Variants in TMEM245 observed in about 807,000 individuals in gnomAD.
The protein encoded by TMEM245 is transmembrane protein 245.
A neutral mutation model predicts 101.2 loss-of-function variants in TMEM245; 69 were observed. That is an observed-to-expected ratio of 0.68 (90% confidence interval 0.56 to 0.83). The LOEUF (loss-of-function observed/expected upper bound fraction) is 0.83, where lower values mean the gene tolerates loss of function less well. Among genes scored for constraint, TMEM245 ranks in the 40% least tolerant of loss-of-function variants. The probability of loss-of-function intolerance (pLI) is 0.00; values close to 1 mark genes in which losing one functional copy is unlikely to be tolerated. For synonymous variants in TMEM245, 537 were observed against 449.8 expected (o/e 1.19, Z -2.45); for missense variants, 1,075 against 1,092.8 (o/e 0.98, Z 0.23).
At chr9:109,049,923 G>A (rs1352815607) in intron 14 of TMEM245, among the ~76,000 whole-genome samples, 1 of 152,142 alleles carries the variant, frequency 6.6e-6, no homozygotes, top group Non-Finnish European at 1.5e-5. Context: ...CCAAGTAGCT[G>A]GGGTTACAGG....
At chr9:109,046,293 A>C (rs770616618) in intron 14 of TMEM245, 3 of 534,400 alleles carry the variant, frequency 5.6e-6, no homozygotes, top group South Asian at 4.2e-5. Context: ...AATGTGCAAT[A>C]TCTCCACCAG....
At chr9:109,025,292 G>A (rs144609089) in intron 17 of TMEM245, among the ~76,000 whole-genome samples, 34 of 152,256 alleles carry the variant, frequency 2.2e-4, no homozygotes, top group African/African-American at 7.9e-4. Context: ...GGCTGGCCTC[G>A]AATTCCTGGA....
intron 12 of TMEM245, among the ~76,000 whole-genome samples, chr9:109,054,300 A>T (rs1828773159): frequency 6.6e-6 from 1 of 152,178 alleles, no homozygotes; most frequent in Non-Finnish European, 1.5e-5. Context: ...GCCACAGTCA[A>T]ACTACTGCAC....
chr9:109,070,951 G>A (rs923283880), intron 9 of TMEM245, among the ~76,000 whole-genome samples: 32 of 152,074 alleles, frequency 2.1e-4, no homozygotes, highest in African/African-American at 7.2e-4. Flanking sequence ...GTGCAATCTT[G>A]GCTCACTGCA....
intron 3 of TMEM245, among the ~76,000 whole-genome samples, chr9:109,099,357 A>G (rs966891600): frequency 1.1e-4 from 16 of 152,204 alleles, no homozygotes; most frequent in Admixed American, 1.0e-3. Flanking sequence ...TTGTTCACTC[A>G]TATCTCATGC....
At chr9:109,027,045 C>T (rs1321223386) in intron 17 of TMEM245, among the ~76,000 whole-genome samples, 6 of 152,038 alleles carry the variant, frequency 3.9e-5, no homozygotes. Flanking sequence ...CTCAGGAATT[C>T]CTTTATAGCA....
intron 13 of TMEM245, 50 bp from the exon 14 acceptor site, chr9:109,050,478 T>C (rs767679207): frequency 1.3e-5 from 21 of 1,612,720 alleles, no homozygotes; most frequent in Middle Eastern, 1.6e-4. Flanking sequence ...TTGGAAACTA[T>C]AGGAAGACAG....
chr9:109,116,834 A>G (rs1830736093), intron 1 of TMEM245, among the ~76,000 whole-genome samples: 1 of 152,064 alleles, frequency 6.6e-6, no homozygotes, highest in African/African-American at 2.4e-5. Flanking sequence ...GGCCTTAATC[A>G]GCACTTTTGG....
chr9:109,066,704 G>A lies in TMEM245; in HGVS notation c.1533-2137C>T, dbSNP rs904701854. ...ATAATTGATATTATATTGATATATT[G>A]GTATTATATTGATATTATATATTAT... On this transcript the variant is annotated intron_variant, in intron 9 of 17. Coordinates refer to ENST00000374586, the MANE Select transcript of TMEM245 (RefSeq NM_032012.4). Among the ~76,000 whole-genome samples, 5 of 151,486 alleles carry A rather than the reference G, an allele frequency of 3.3e-5. No homozygotes were observed. The East Asian group carries it at 9.7e-4, about 29-fold the overall frequency.
intron 3 of TMEM245, among the ~76,000 whole-genome samples, chr9:109,094,407 C>G (rs1812191795): frequency 6.6e-6 from 1 of 152,234 alleles, no homozygotes. Flanking sequence ...CAAGCAGGTA[C>G]ACCTGTGCAG....
intron 1 of TMEM245, among the ~76,000 whole-genome samples, chr9:109,114,113 C>A (rs564522676): frequency 4.2e-4 from 64 of 152,146 alleles, no homozygotes; most frequent in Non-Finnish European, 8.1e-4. Flanking sequence ...CAACTACAAA[C>A]CTCCTCCCAA....
Position 109,085,977 on chromosome 9 carries a change from A to G in TMEM245, c.1344+20T>C. 2 of 1,613,774 alleles carry G rather than the reference A, an allele frequency of 1.2e-6. No homozygotes were observed. The highest frequency in any genetic ancestry group is 1.7e-4 in the Middle Eastern group (1 of 6,060). ...TTACGGAATTCAATAGTAAAAACCAACATCTGGGTGTTCATTTACCTTCTT... is the reference window on the plus strand; with the variant it reads ...TTACGGAATTCAATAGTAAAAACCAGCATCTGGGTGTTCATTTACCTTCTT... On this transcript the variant is annotated intron_variant, in intron 7 of 17. Transcript: ENST00000374586.
At chr9:109,023,253 A>G (rs1446017266) in intron 17 of TMEM245, among the ~76,000 whole-genome samples, 1 of 152,212 alleles carries the variant, frequency 6.6e-6, no homozygotes, top group African/African-American at 2.4e-5. Context: ...AACTCTACTG[A>G]AGTAACACTG....
intron 10 of TMEM245, 66 bp from the exon 11 acceptor site, chr9:109,060,518 T>C (rs1044342359): frequency 2.8e-6 from 3 of 1,078,588 alleles, no homozygotes; most frequent in African/African-American, 1.6e-5. Context: ...AATTAATATA[T>C]GCTGGGTATT....
chr9:109,039,757 G>A (rs1828247617), intron 14 of TMEM245, among the ~76,000 whole-genome samples: 2 of 151,940 alleles, frequency 1.3e-5, no homozygotes, highest in Non-Finnish European at 2.9e-5. Context: ...CGTAGTAGGA[G>A]GAAAATCACT....
At position 109,055,589 on chromosome 9, in the gene TMEM245, G is replaced by C. The variant is rs991809775; in HGVS notation, c.1854+1602C>G. On this transcript the variant is annotated intron_variant, in intron 12 of 17. Transcript: ENST00000374586. Reference sequence around the variant, plus strand: ...TCAGAAAAAAGAGCTATTGGATATTGCAAGTATGATAGCAGAAATGAAAAT... The same window carrying C: ...TCAGAAAAAAGAGCTATTGGATATTCCAAGTATGATAGCAGAAATGAAAAT... Among the ~76,000 whole-genome samples, 4 of 151,742 alleles carry C rather than the reference G, an allele frequency of 2.6e-5. No individual in the cohort carries two copies. The East Asian group carries it at 5.8e-4, about 22-fold the overall frequency.
At chr9:109,105,230 T>C (rs1171487481) in intron 3 of TMEM245, among the ~76,000 whole-genome samples, 1 of 152,060 alleles carries the variant, frequency 6.6e-6, no homozygotes, top group Non-Finnish European at 1.5e-5. Flanking sequence ...GAGAAACAAA[T>C]GGCCAAAAAG....
chr9:109,073,183 C>T (rs2132487329), intron 9 of TMEM245, 173 bp downstream of exon 9: 1 of 588,760 alleles, frequency 1.7e-6, no homozygotes, highest in East Asian at 2.8e-5. Flanking sequence ...CACTTTCCTC[C>T]CACCCTCTGT....
At chr9:109,083,633 A>G (rs1484440607) in intron 7 of TMEM245, among the ~76,000 whole-genome samples, 1 of 152,092 alleles carries the variant, frequency 6.6e-6, no homozygotes, top group East Asian at 1.9e-4. Context: ...CTATTTATCA[A>G]GCTATTAAGA....
Sources: gnomAD v4.1 joint callset for allele counts (sites outside exome capture counted in the v4.1 genomes callset) on GRCh38, gnomAD v4.1.1 for gene constraint, MANE v1.5 for transcripts, NCBI Gene and HGNC (gene_info 2026-07-23, HGNC 2026-07-21) for gene names.